Variants in CRTAC1 observed in about 807,000 individuals in gnomAD.
The protein encoded by CRTAC1 is acidic secreted protein in cartilage.
CRTAC1 carries 37 observed loss-of-function variants against 67.8 expected under a neutral mutation model. That is an observed-to-expected ratio of 0.55 (90% confidence interval 0.42 to 0.72). The LOEUF (loss-of-function observed/expected upper bound fraction) is 0.72. CRTAC1 is among the 30% of genes least tolerant of loss of function. The pLI is 0.00. For missense variants in CRTAC1, 780 were observed against 931.6 expected, an observed-to-expected ratio of 0.84 and a Z score of 2.12; for synonymous variants, 348 against 371.0, an observed-to-expected ratio of 0.94 and a Z score of 0.71.
chr10:98,018,432 C>T (rs553193845), intron 1 of CRTAC1, among the ~76,000 whole-genome samples: 91 of 152,220 alleles, frequency 6.0e-4, no homozygotes, highest in African/African-American at 1.8e-3. Flanking sequence ...CAGGGCCAGG[C>T]AGGCGGCAGC....
chr10:98,007,771 C>G (rs1239474771), intron 2 of CRTAC1, among the ~76,000 whole-genome samples: 3 of 152,204 alleles, frequency 2.0e-5, no homozygotes. Flanking sequence ...ACATAAACAG[C>G]AAGCTAGACA....
intron 5 of CRTAC1, 71 bp from the exon 6 acceptor site, chr10:97,908,218 T>C: frequency 1.9e-6 from 3 of 1,556,882 alleles, no homozygotes; most frequent in Non-Finnish European, 2.6e-6. Flanking sequence ...CAGGGCTGCC[T>C]CTGAGGCCTG....
At chr10:98,005,922 C>T (rs1215949431) in intron 2 of CRTAC1, among the ~76,000 whole-genome samples, 4 of 152,106 alleles carry the variant, frequency 2.6e-5, no homozygotes, top group Admixed American at 6.5e-5. Flanking sequence ...AAACCTAAAA[C>T]ACTGCTTTAC....
At chr10:97,904,910 G>A in intron 6 of CRTAC1, 96 bp from the exon 7 acceptor site, 2 of 1,378,070 alleles carry the variant, frequency 1.5e-6, no homozygotes, top group Non-Finnish European at 1.9e-6. Flanking sequence ...ACTAGGGAGG[G>A]TGACTCTCAT....
chr10:97,904,955 G>A, intron 6 of CRTAC1, 141 bp from the exon 7 acceptor site: 2 of 985,784 alleles, frequency 2.0e-6, no homozygotes, highest in Non-Finnish European at 2.8e-6. Context: ...AGACATAGCT[G>A]CAGTCTCAGA....
intron 2 of CRTAC1, among the ~76,000 whole-genome samples, chr10:97,959,594 A>C (rs1350921940): frequency 6.6e-6 from 1 of 152,180 alleles, no homozygotes; most frequent in African/African-American, 2.4e-5. Flanking sequence ...AATGCTATAT[A>C]AACTGCATGC....
chr10:97,963,871 G>A (rs2051568449), intron 2 of CRTAC1, among the ~76,000 whole-genome samples: 1 of 152,204 alleles, frequency 6.6e-6, no homozygotes, highest in African/African-American at 2.4e-5. Context: ...GGCTCGGAGA[G>A]GTTGTGTAAC....
At chr10:97,916,101 C>T (rs2050755415) in intron 5 of CRTAC1, among the ~76,000 whole-genome samples, 1 of 152,148 alleles carries the variant, frequency 6.6e-6, no homozygotes, top group Non-Finnish European at 1.5e-5. Context: ...GTCTAGCCTG[C>T]TCTCCCAGTC....
rs184916961 is a variant in CRTAC1, at chr10:97,895,889, T to C, written c.1313A>G (p.Asn438Ser). The C allele has an allele frequency of 5.3e-5, 86 of 1,612,330 alleles. 3 individuals are homozygous for C. In the Admixed American group the frequency reaches 1.2e-3, roughly 23 times the overall value. ...MAQPLSVFRG[N>S]QGFNNNWLRV... ...GCTCCTGAGGTCTTAGCGCACCTGA[T>C]TGCCCCGGAAGACGGACAGCGGCTG... The change falls in exon 10 of 15, where the codon AAT (asparagine) becomes AGT (serine). Residue 438 changes from asparagine (N) to serine (S), a missense_variant. By Grantham distance (46) the Asn-to-Ser change is conservative. Transcript: ENST00000370597. This position sits in a 1 kb window ranked among gnomAD's most constrained non-coding sequence, Gnocchi z 4.2.
At chr10:97,922,501 C>A (rs1276154165) in intron 4 of CRTAC1, among the ~76,000 whole-genome samples, 1 of 152,230 alleles carries the variant, frequency 6.6e-6, no homozygotes, top group Non-Finnish European at 1.5e-5. Context: ...TGACTGTTTA[C>A]AAAGCCAAGG....
Position 97,888,101 on chromosome 10 carries a change from A to G in CRTAC1, c.1487-3750T>C, listed in dbSNP as rs1590183354. Among the ~76,000 whole-genome samples, 3 of 152,280 alleles carry G rather than the reference A, an allele frequency of 2.0e-5. No homozygotes were observed. In the South Asian group the frequency reaches 6.2e-4, roughly 32 times the overall value. ...AGCCGGTATCTACTGTGCCCCTGTTACACTGCCCACCCTATCCCACGCCCA... is the reference window on the plus strand; with the variant it reads ...AGCCGGTATCTACTGTGCCCCTGTTGCACTGCCCACCCTATCCCACGCCCA... On this transcript the variant is annotated intron_variant, in intron 11 of 14. Coordinates refer to ENST00000370597, the MANE Select transcript of CRTAC1 (RefSeq NM_018058.7).
intron 6 of CRTAC1, among the ~76,000 whole-genome samples, chr10:97,905,350 G>A (rs1449894792): frequency 2.6e-5 from 4 of 152,162 alleles, no homozygotes; most frequent in Non-Finnish European, 4.4e-5. Flanking sequence ...TGCTCAAGCA[G>A]GTCTCTACCT....
chr10:97,953,685 G>A (rs181098158), intron 2 of CRTAC1, among the ~76,000 whole-genome samples: 1 of 152,188 alleles, frequency 6.6e-6, no homozygotes, highest in Non-Finnish European at 1.5e-5. Context: ...CTTTCAGTGA[G>A]AAACTAAAGC....
At chr10:97,979,511 G>T (rs2136661557) in intron 2 of CRTAC1, among the ~76,000 whole-genome samples, 1 of 152,340 alleles carries the variant, frequency 6.6e-6, no homozygotes, top group Admixed American at 6.5e-5. Context: ...TGGTCATTTT[G>T]CTTTTCTTCT....
rs1298283671 is a variant in CRTAC1 at position 97,904,658 on chromosome 10, C to T, written c.996+11G>A. ...CTGGTCTTGAACTCCTGGGGTGAGG[C>T]CCCTTCTTACCCGGAAGCGGACCTT... is the stretch of plus-strand genomic sequence containing the variant. On this transcript the variant is annotated intron_variant, in intron 7 of 14. Coordinates refer to ENST00000370597, the MANE Select transcript of CRTAC1 (RefSeq NM_018058.7). 2.0e-6 allele frequency: 3 copies of T among 1,524,420 alleles called. No homozygotes were observed. The Admixed American group carries it at 6.7e-5, about 34-fold the overall frequency. 94.4% of individuals were successfully genotyped at this position (1,524,420 alleles called of 1,614,324 possible). A position where few individuals can be genotyped will look rare whatever the true frequency, so the allele number is the denominator to read the frequency against.
At chr10:97,891,726 T>C (rs574720721) in intron 11 of CRTAC1, among the ~76,000 whole-genome samples, 2 of 152,330 alleles carry the variant, frequency 1.3e-5, no homozygotes, top group East Asian at 3.9e-4. Flanking sequence ...TCTGGCCTTC[T>C]CCACTGGCGC....
intron 2 of CRTAC1, among the ~76,000 whole-genome samples, chr10:97,983,675 G>A (rs992577678): frequency 6.6e-6 from 1 of 152,192 alleles, no homozygotes; most frequent in Non-Finnish European, 1.5e-5. Flanking sequence ...TTCTTCTACT[G>A]TTGAAATGAT....
At chr10:97,924,835 T>C (rs2050890173) in intron 3 of CRTAC1, among the ~76,000 whole-genome samples, 1 of 152,112 alleles carries the variant, frequency 6.6e-6, no homozygotes, top group Admixed American at 6.5e-5. Flanking sequence ...AGTGATTCTG[T>C]GAGTGGGTGT....
intron 2 of CRTAC1, among the ~76,000 whole-genome samples, chr10:97,996,848 T>C (rs1312667934): frequency 6.6e-6 from 1 of 152,018 alleles, no homozygotes; most frequent in Admixed American, 6.5e-5. Flanking sequence ...TGTCCAACAA[T>C]GATAGATTGG....
Sources: allele counts gnomAD v4.1 joint callset (sites outside exome capture counted in the v4.1 genomes callset), GRCh38; gene constraint gnomAD v4.1.1; non-coding constraint Gnocchi (gnomAD v3.1); transcripts MANE v1.5; gene names NCBI Gene and HGNC (gene_info 2026-07-23, HGNC 2026-07-21).